Variants in PDIA6 observed in about 807,000 individuals in gnomAD.
The protein encoded by PDIA6 is protein disulfide-isomerase A6.
In PDIA6, 29 loss-of-function variants were observed where a neutral mutation model predicts 58.4. The ratio of observed to expected loss-of-function variants is 0.50; its 90% CI spans 0.37 to 0.68. The LOEUF (loss-of-function observed/expected upper bound fraction) is 0.68. PDIA6 is among the 30% of genes least tolerant of loss of function. The pLI is 0.00. For missense variants in PDIA6, 480 were observed against 551.0 expected (o/e 0.87, Z 1.29); for synonymous variants, 192 against 202.6 (o/e 0.95, Z 0.44).
intron 2 of PDIA6, among the ~76,000 whole-genome samples, chr2:10,818,490 ATTT>A (rs1667276394): frequency 1.2e-5 from 1 of 81,974 alleles, no homozygotes; most frequent in Non-Finnish European, 2.6e-5. Flanking sequence ...TAATTTATTT[ATTT>A]ATTTATTTAT....
chr2:10,801,416 T>C (rs1463955876), intron 2 of PDIA6, among the ~76,000 whole-genome samples: 2 of 152,240 alleles, frequency 1.3e-5, no homozygotes, highest in African/African-American at 4.8e-5. Context: ...TTCTCTTGTA[T>C]GGTCGCTCTC....
upstream of PDIA6, among the ~76,000 whole-genome samples, chr2:10,814,614 C>G (rs76806487): frequency 0.14 from 21,438 of 152,170 alleles, 2,028 homozygotes; most frequent in African/African-American, 0.26. Flanking sequence ...TGGATTACAG[C>G]GAAGTCCTTC....
upstream of PDIA6, among the ~76,000 whole-genome samples, chr2:10,834,203 C>A (rs1572714714): frequency 2.0e-5 from 3 of 152,364 alleles, no homozygotes; most frequent in East Asian, 1.9e-4. Context: ...GGAGGCAGTG[C>A]CTCACTCTCC....
chr2:10,792,396 G>A (rs1330971283), intron 5 of PDIA6, among the ~76,000 whole-genome samples: 1 of 152,198 alleles, frequency 6.6e-6, no homozygotes, highest in African/African-American at 2.4e-5. Context: ...GAAGCAGTCA[G>A]CATTGCTTTC....
At chr2:10,836,256 G>A (rs1274676517), upstream of PDIA6, among the ~76,000 whole-genome samples, 1 of 152,174 alleles carries the variant, frequency 6.6e-6, no homozygotes, top group Non-Finnish European at 1.5e-5. Flanking sequence ...ACTCCCTTAA[G>A]GCACACTCAG....
intron 1 of PDIA6, among the ~76,000 whole-genome samples, chr2:10,807,814 A>T (rs1387570): frequency 0.49 from 74,235 of 152,082 alleles, 19,676 homozygotes; most frequent in South Asian, 0.58. Context: ...TCAAATCACT[A>T]TCAAATGTTA....
intron 1 of PDIA6, among the ~76,000 whole-genome samples, chr2:10,827,214 C>A (rs1210124835): frequency 6.6e-6 from 1 of 152,068 alleles, no homozygotes; most frequent in Non-Finnish European, 1.5e-5. Flanking sequence ...AGTTATGCAC[C>A]ACCACACCTG....
chr2:10,832,570 T>G (rs1029452065), upstream of PDIA6: 4 of 269,496 alleles, frequency 1.5e-5, no homozygotes, highest in Non-Finnish European at 2.3e-5. Flanking sequence ...GGATTTGAGC[T>G]GTGCGCTCAG....
Position 10,797,721 on chromosome 2 carries a change from C to T in PDIA6, c.198G>A (p.Lys66=). 1 of 1,613,384 alleles carries T rather than the reference C, an allele frequency of 6.2e-7. No homozygotes were observed. Among genetic ancestry groups the T allele is most frequent in the East Asian group, 2.2e-5 (1 of 44,860 alleles). The change falls in exon 3 of 13, where the codon AAG becomes AAA. Residue 66 remains lysine (K), a synonymous_variant. Coordinates refer to ENST00000272227, the MANE Select transcript of PDIA6 (RefSeq NM_005742.4). ...GHCQRLTPEW[K]KAATALKDVV... ...TTACTTTTAATGCAGTTGCTGCTTT[C>T]TTCCATTCTGGTGTTAATCTTTGAC...
chr2:10,785,908 C>T (rs980109853), intron 11 of PDIA6, among the ~76,000 whole-genome samples: 3 of 152,152 alleles, frequency 2.0e-5, no homozygotes, highest in African/African-American at 7.2e-5. Context: ...GACATAAGGT[C>T]TCACCGTGGT....
At chr2:10,829,317 C>T (rs1734443) in intron 1 of PDIA6, among the ~76,000 whole-genome samples, 71,069 of 152,044 alleles carry the variant, frequency 0.47, 18,192 homozygotes, top group East Asian at 0.79. Context: ...GCGCTGTTGG[C>T]TTCTTCAGCT....
intron 4 of PDIA6, 148 bp from the exon 5 acceptor site, chr2:10,793,350 T>C (rs1413702140): frequency 1.7e-6 from 1 of 600,730 alleles, no homozygotes; most frequent in Non-Finnish European, 3.0e-6. Flanking sequence ...GAACACACTT[T>C]CTCCCCACAA....
At chr2:10,832,037 AG>A (rs1417837095) in intron 1 of PDIA6, among the ~76,000 whole-genome samples, 45 of 147,736 alleles carry the variant, frequency 3.0e-4, no homozygotes, top group African/African-American at 1.0e-3. Context: ...AAAAAAAAAA[AG>A]AGGAGAGAAT....
intron 1 of PDIA6, chr2:10,820,740 C>G (rs56121730): frequency 1.4e-6 from 1 of 702,744 alleles, no homozygotes; most frequent in Non-Finnish European, 2.6e-6. Flanking sequence ...TGGGGTGGCC[C>G]GAAGCCAGGG....
At chr2:10,826,949 A>C (rs945666346) in intron 1 of PDIA6, among the ~76,000 whole-genome samples, 4 of 151,872 alleles carry the variant, frequency 2.6e-5, no homozygotes, top group East Asian at 1.9e-4. Flanking sequence ...CTTATGTACC[A>C]CCTCTTCAGG....
At chr2:10,798,121 G>A (rs1666350139) in intron 2 of PDIA6, among the ~76,000 whole-genome samples, 1 of 152,142 alleles carries the variant, frequency 6.6e-6, no homozygotes, top group Admixed American at 6.5e-5. Flanking sequence ...AGGAGGCAGA[G>A]GTTGCAAGAG....
chr2:10,824,049 T>A (rs1558463361), intron 1 of PDIA6, among the ~76,000 whole-genome samples: 1 of 152,146 alleles, frequency 6.6e-6, no homozygotes, highest in Non-Finnish European at 1.5e-5. Flanking sequence ...CCCAACCTTA[T>A]TTTTGCCACC....
At position 10,790,725 on chromosome 2, in the gene PDIA6, T is replaced by C. The variant is rs1665996262; in HGVS notation, c.693A>G (p.Arg231=). ...DATVNQVLAS[R]YGIRGFPTIK... ...GCCTTATAAGTATACTCACCCCGTA[T>C]CGGGAGGCCAGAACCTGATTGACTG... Residue 231 remains arginine (R), a synonymous_variant, in exon 7 of 13, where the codon CGA becomes CGG. Transcript: ENST00000272227. The C allele has an allele frequency of 2.5e-6, 4 of 1,609,474 alleles. No homozygotes were observed. Among genetic ancestry groups the C allele is most frequent in the Non-Finnish European group, 3.4e-6 (4 of 1,175,828 alleles).
At chr2:10,811,489 C>G (rs890214709) in intron 1 of PDIA6, among the ~76,000 whole-genome samples, 1 of 143,318 alleles carries the variant, frequency 7.0e-6, no homozygotes, top group Non-Finnish European at 1.6e-5. Context: ...AGAGCAAGAC[C>G]GTGTCTCAAA....
Sources: allele counts gnomAD v4.1 joint callset (sites outside exome capture counted in the v4.1 genomes callset), GRCh38; gene constraint gnomAD v4.1.1; transcripts MANE v1.5; gene names NCBI Gene and HGNC (gene_info 2026-07-23, HGNC 2026-07-21).